LRFN5: variants seen among roughly 807,000 people sequenced by gnomAD.
The protein encoded by LRFN5 is leucine-rich repeat and fibronectin type-III domain-containing protein 5.
Under a neutral mutation model 45.6 loss-of-function variants are expected in LRFN5, and 24 were observed. The observed-to-expected ratio is 0.53, with a 90% confidence interval of 0.38 to 0.74. LRFN5 has a LOEUF of 0.74. LRFN5 is among the 30% of genes least tolerant of loss of function. LRFN5 has a pLI of 0.00. For missense variants in LRFN5, 776 were observed against 861.5 expected (o/e 0.90, Z 1.24); for synonymous variants, 340 against 313.8 (o/e 1.08, Z -0.88).
intron 2 of LRFN5, among the ~76,000 whole-genome samples, chr14:41,878,526 T>C (rs1256572301): frequency 6.6e-6 from 1 of 152,176 alleles, no homozygotes; most frequent in Admixed American, 6.5e-5. Flanking sequence ...AAGATGGATG[T>C]AGTAATGGAA....
At chr14:41,690,437 C>A (rs1326059854) in intron 1 of LRFN5, among the ~76,000 whole-genome samples, 1 of 152,068 alleles carries the variant, frequency 6.6e-6, no homozygotes, top group Admixed American at 6.6e-5. Flanking sequence ...CCTGTAGTCG[C>A]AGCTACTCAA....
At chr14:41,652,404 G>A (rs1210894354) in intron 1 of LRFN5, among the ~76,000 whole-genome samples, 1 of 152,090 alleles carries the variant, frequency 6.6e-6, no homozygotes, top group Non-Finnish European at 1.5e-5. Flanking sequence ...AGTGGGCTAG[G>A]CGCTGTTCTC....
intron 1 of LRFN5, among the ~76,000 whole-genome samples, chr14:41,630,090 A>G (rs2138576885): frequency 6.6e-6 from 1 of 152,284 alleles, no homozygotes; most frequent in Non-Finnish European, 1.5e-5. Context: ...AGTTATGTGT[A>G]AAGGCATTAA....
chr14:41,797,277 A>T (rs1455474870), intron 2 of LRFN5, among the ~76,000 whole-genome samples: 1 of 151,660 alleles, frequency 6.6e-6, no homozygotes, highest in Admixed American at 6.6e-5. Flanking sequence ...AATTTTTCTG[A>T]ATACTATTAA....
At position 41,781,558 on chromosome 14, in the gene LRFN5, GAGAAAGAAAGAAAGAAAGAAAGAA is replaced by G. The variant is rs55859357; in HGVS notation, c.-21+14565_-21+14588del. Among the ~76,000 whole-genome samples the G allele has an allele frequency of 5.8e-3, 620 of 106,982 alleles. 9 individuals are homozygous for G. Among genetic ancestry groups the G allele is most frequent in the African/African-American group, 0.015 (406 of 26,630 alleles). The allele number at this position is 106,982 out of a possible 152,430, so 70.2% of individuals were successfully genotyped here. A position where few individuals can be genotyped will look rare whatever the true frequency, so the allele number is the denominator to read the frequency against. On this transcript the variant is annotated intron_variant, in intron 2 of 5. Coordinates refer to ENST00000298119, the MANE Select transcript of LRFN5 (RefSeq NM_152447.5). ...AGGAAGGAAGGAAGGAGAAAAGAAAGAGAAAGAAAGAAAGAAAGAAAGAAAGAAAGAAAGAAAGAAAGAAAGAAA... is the reference window on the plus strand; with the variant it reads ...AGGAAGGAAGGAAGGAGAAAAGAAAGAGAAAGAAAGAAAGAAAGAAAGAAA...
intron 1 of LRFN5, among the ~76,000 whole-genome samples, chr14:41,761,071 T>C (rs1161815277): frequency 2.0e-5 from 3 of 152,198 alleles, no homozygotes; most frequent in Non-Finnish European, 2.9e-5. Flanking sequence ...AAGATATTGA[T>C]TTATATAAAA....
At chr14:41,665,763 T>A (rs1880867411) in intron 1 of LRFN5, among the ~76,000 whole-genome samples, 1 of 152,020 alleles carries the variant, frequency 6.6e-6, no homozygotes, top group Non-Finnish European at 1.5e-5. Flanking sequence ...TTTAAAGTGC[T>A]CACTTCAATT....
chr14:41,645,079 T>A (rs1879752449), intron 1 of LRFN5, among the ~76,000 whole-genome samples: 1 of 152,220 alleles, frequency 6.6e-6, no homozygotes, highest in South Asian at 2.1e-4. Context: ...GAGCTTAGCG[T>A]CTTTTATGCT....
At chr14:41,803,669 GT>G (rs1422663726) in intron 2 of LRFN5, among the ~76,000 whole-genome samples, 1 of 151,964 alleles carries the variant, frequency 6.6e-6, no homozygotes, top group Non-Finnish European at 1.5e-5. Context: ...TAGTTATGTT[GT>G]TGTTTTAGAA....
intron 5 of LRFN5, among the ~76,000 whole-genome samples, chr14:41,902,228 C>A (rs1233333758): frequency 6.6e-6 from 1 of 151,670 alleles, no homozygotes; most frequent in Non-Finnish European, 1.5e-5. Flanking sequence ...TGCATGATAT[C>A]CACTCACTCT....
At chr14:41,665,144 A>G (rs1291775782) in intron 1 of LRFN5, among the ~76,000 whole-genome samples, 1 of 151,824 alleles carries the variant, frequency 6.6e-6, no homozygotes, top group African/African-American at 2.4e-5. Flanking sequence ...TTTTGTTTTT[A>G]GAAAAAAAAA....
At chr14:41,618,727 T>G (rs1888006756) in intron 1 of LRFN5, among the ~76,000 whole-genome samples, 1 of 152,182 alleles carries the variant, frequency 6.6e-6, no homozygotes. Flanking sequence ...TCTTAGGTAC[T>G]GAGACATAGC....
chr14:41,768,713 A>AT (rs1885975807), intron 2 of LRFN5, among the ~76,000 whole-genome samples: 1 of 152,144 alleles, frequency 6.6e-6, no homozygotes, highest in East Asian at 1.9e-4. Context: ...TTAATTAATA[A>AT]TTTTTTGTAT....
intron 3 of LRFN5, among the ~76,000 whole-genome samples, chr14:41,890,921 A>G (rs1890758194): frequency 6.6e-6 from 1 of 152,206 alleles, no homozygotes; most frequent in Non-Finnish European, 1.5e-5. Flanking sequence ...TTTAGCAGTC[A>G]GATAATGTCA....
At chr14:41,752,704 AT>A (rs1480497512) in intron 1 of LRFN5, among the ~76,000 whole-genome samples, 11 of 152,254 alleles carry the variant, frequency 7.2e-5, no homozygotes, top group Admixed American at 5.2e-4. Flanking sequence ...ATTTTCTGCC[AT>A]TCTGTAGGTT....
intron 1 of LRFN5, among the ~76,000 whole-genome samples, chr14:41,662,760 G>A (rs1194346741): frequency 6.6e-6 from 1 of 152,012 alleles, no homozygotes; most frequent in Non-Finnish European, 1.5e-5. Context: ...TTCAGGGAGT[G>A]CTGACAACTG....
intron 1 of LRFN5, among the ~76,000 whole-genome samples, chr14:41,736,669 A>G (rs2138808877): frequency 6.6e-6 from 1 of 152,338 alleles, no homozygotes; most frequent in Admixed American, 6.5e-5. Flanking sequence ...TAAAGGGGAC[A>G]TCACCATTGA....
chr14:41,638,692 A>G lies in LRFN5; in HGVS notation c.-197+30130A>G, dbSNP rs151102653. On this transcript the variant is annotated intron_variant, in intron 1 of 5. Coordinates refer to ENST00000298119, the MANE Select transcript of LRFN5 (RefSeq NM_152447.5). ...AAAATAATTTTAGCCAATTCAATGA[A>G]TAGATGCTAGTTTTAAAATTAATGT... Among the ~76,000 whole-genome samples the G allele has an allele frequency of 9.1e-3, 1,383 of 152,260 alleles. 6 individuals carry two copies. The highest frequency in any genetic ancestry group is 0.014 in the East Asian group (75 of 5,188).
chr14:41,782,409 C>T (rs982162734), intron 2 of LRFN5, among the ~76,000 whole-genome samples: 1 of 152,070 alleles, frequency 6.6e-6, no homozygotes, highest in African/African-American at 2.4e-5. Context: ...TGCCATTTCT[C>T]TGCTTACATT....
Sources: gnomAD v4.1 joint callset for allele counts (sites outside exome capture counted in the v4.1 genomes callset) on GRCh38, gnomAD v4.1.1 for gene constraint, MANE v1.5 for transcripts, NCBI Gene and HGNC (gene_info 2026-07-23, HGNC 2026-07-21) for gene names.